Variants in NRDC observed in about 807,000 individuals in gnomAD.
NRDC encodes the protein nardilysin convertase, also known as nardilysin.
In NRDC, 54 loss-of-function variants were observed where a neutral mutation model predicts 147.1. The ratio of observed to expected loss-of-function variants is 0.37; its 90% CI spans 0.29 to 0.46. NRDC has a LOEUF of 0.46. Among genes scored for constraint, NRDC ranks in the 20% least tolerant of loss-of-function variants. The probability of loss-of-function intolerance (pLI) is 1.00; values close to 1 mark genes in which losing one functional copy is unlikely to be tolerated. For synonymous variants in NRDC, 440 were observed against 482.1 expected (o/e 0.91, Z 1.14); for missense variants, 1,082 against 1,370.6 (o/e 0.79, Z 3.33).
chr1:51,830,250 A>C (rs1375752838), intron 4 of NRDC, among the ~76,000 whole-genome samples: 1 of 152,192 alleles, frequency 6.6e-6, no homozygotes, highest in Non-Finnish European at 1.5e-5. Context: ...GGCATGAGCC[A>C]CTGCGTCTGG....
chr1:51,791,232 C>G (rs937798606), intron 27 of NRDC, among the ~76,000 whole-genome samples: 2 of 152,160 alleles, frequency 1.3e-5, no homozygotes, highest in African/African-American at 4.8e-5. Context: ...ATGAAGCAGT[C>G]ACAACCATGT....
chr1:51,813,501 T>C (rs1362468164), intron 14 of NRDC, among the ~76,000 whole-genome samples: 2 of 152,126 alleles, frequency 1.3e-5, no homozygotes, highest in African/African-American at 4.8e-5. Context: ...AACACCACAC[T>C]GCCCAGTCCT....
chr1:51,802,037 T>C (rs958513060), intron 20 of NRDC, among the ~76,000 whole-genome samples: 22 of 152,210 alleles, frequency 1.4e-4, no homozygotes, highest in Non-Finnish European at 2.9e-4. Flanking sequence ...TCCGCCCGCC[T>C]CAGCCTCTCA....
At chr1:51,796,506 C>G (rs954405097) in intron 22 of NRDC, among the ~76,000 whole-genome samples, 2 of 152,102 alleles carry the variant, frequency 1.3e-5, no homozygotes, top group African/African-American at 4.8e-5. Flanking sequence ...TCCCAAAGTG[C>G]TGGGATTACA....
chr1:51,819,303 A>C (rs1680110970), intron 9 of NRDC, among the ~76,000 whole-genome samples: 1 of 152,142 alleles, frequency 6.6e-6, no homozygotes. Flanking sequence ...GTCTCCAAAA[A>C]AAAAAAAAAG....
At chr1:51,845,746 G>C (rs1294170126) in intron 1 of NRDC, among the ~76,000 whole-genome samples, 1 of 151,816 alleles carries the variant, frequency 6.6e-6, no homozygotes, top group East Asian at 1.9e-4. Context: ...TTTATTTTCT[G>C]CCTGCACCAT....
intron 1 of NRDC, among the ~76,000 whole-genome samples, chr1:51,861,276 T>C (rs1300237189): frequency 6.7e-6 from 1 of 149,178 alleles, no homozygotes; most frequent in Non-Finnish European, 1.5e-5. Flanking sequence ...TTTTTTTTTT[T>C]TTTTTTTTGA....
chr1:51,807,052 A>G, intron 17 of NRDC, 139 bp from the exon 18 acceptor site: 1 of 91,142 alleles, frequency 1.1e-5, no homozygotes, highest in Non-Finnish European at 1.5e-5. Flanking sequence ...ACATTAAATT[A>G]GTAGACCAAT....
chr1:51,832,258 G>C (rs1341765176), intron 4 of NRDC, among the ~76,000 whole-genome samples: 1 of 152,020 alleles, frequency 6.6e-6, no homozygotes, highest in African/African-American at 2.4e-5. Flanking sequence ...TGTTGGCCAG[G>C]CTGGTCTCGA....
At chr1:51,863,259 G>A (rs985046272) in intron 1 of NRDC, among the ~76,000 whole-genome samples, 6 of 151,724 alleles carry the variant, frequency 4.0e-5, no homozygotes, top group Admixed American at 2.6e-4. Flanking sequence ...AAAATTAGCT[G>A]GGCATGGTGG....
chr1:51,791,885 A>G (rs2149184091), intron 26 of NRDC, among the ~76,000 whole-genome samples, 161 bp downstream of exon 26: 1 of 152,322 alleles, frequency 6.6e-6, no homozygotes. Context: ...AAACCTGATT[A>G]CAGTCAAAGA....
chr1:51,837,960 C>T (rs1213598350), intron 2 of NRDC, among the ~76,000 whole-genome samples: 1 of 152,186 alleles, frequency 6.6e-6, no homozygotes, highest in Non-Finnish European at 1.5e-5. Flanking sequence ...TCAAATAAAA[C>T]TTAGATCATA....
chr1:51,824,065 C>G (rs1243882852), intron 6 of NRDC, among the ~76,000 whole-genome samples: 1 of 151,412 alleles, frequency 6.6e-6, no homozygotes, highest in Admixed American at 6.6e-5. Flanking sequence ...AATAATTAGT[C>G]TAGCAGTATT....
At chr1:51,836,444 G>GA in intron 2 of NRDC, 1 of 1,613,100 alleles carries the variant, frequency 6.2e-7, no homozygotes, top group Non-Finnish European at 8.5e-7. Context: ...CAGACCTAAG[G>GA]AAAAAAAGCA....
At chr1:51,827,286 A>G (rs1338389625) in intron 5 of NRDC, among the ~76,000 whole-genome samples, 2 of 152,190 alleles carry the variant, frequency 1.3e-5, no homozygotes, top group Non-Finnish European at 2.9e-5. Context: ...CAAGGAGGGA[A>G]ATACTACAAA....
intron 21 of NRDC, 139 bp downstream of exon 21, chr1:51,800,417 G>T: frequency 2.2e-6 from 2 of 904,742 alleles, no homozygotes; most frequent in South Asian, 1.7e-5. Context: ...CGCTATGCAC[G>T]GGTCTCCTAA....
chr1:51,829,431 G>T (rs1449324379), intron 4 of NRDC, among the ~76,000 whole-genome samples: 1 of 152,202 alleles, frequency 6.6e-6, no homozygotes, highest in Non-Finnish European at 1.5e-5. Context: ...TTCAGAGCAC[G>T]AAGTTGAGTA....
At chr1:51,855,416 GA>G (rs988433755) in intron 1 of NRDC, among the ~76,000 whole-genome samples, 9 of 144,724 alleles carry the variant, frequency 6.2e-5, no homozygotes, top group African/African-American at 2.3e-4. Flanking sequence ...TTTTATTTAA[GA>G]AAAAAAAATT....
chr1:51,805,718 C>T (rs1679432230), intron 18 of NRDC, among the ~76,000 whole-genome samples, 157 bp from the exon 19 acceptor site: 1 of 152,034 alleles, frequency 6.6e-6, no homozygotes, highest in Non-Finnish European at 1.5e-5. Context: ...CTTTAAAAAG[C>T]AGTATTTACC....
Sources: allele counts gnomAD v4.1 joint callset (sites outside exome capture counted in the v4.1 genomes callset), GRCh38; gene constraint gnomAD v4.1.1; transcripts MANE v1.5; gene names NCBI Gene and HGNC (gene_info 2026-07-23, HGNC 2026-07-21).